STOM: variants seen among roughly 807,000 people sequenced by gnomAD.
STOM encodes the protein stomatin.
Under a neutral mutation model 30.6 loss-of-function variants are expected in STOM, and 25 were observed. The observed-to-expected ratio is 0.82, with a 90% CI of 0.60 to 1.14. The LOEUF is 1.14. Ranked by LOEUF, STOM falls within the 50% of genes most tolerant of loss-of-function variation. The probability of loss-of-function intolerance (pLI) is 0.00; values close to 1 mark genes in which losing one functional copy is unlikely to be tolerated. For synonymous variants in STOM, 118 were observed against 130.8 expected, an observed-to-expected ratio of 0.90 and a Z score of 0.67; for missense variants, 292 against 365.2, an observed-to-expected ratio of 0.80 and a Z score of 1.63.
At position 121,362,937 on chromosome 9, in the gene STOM, G is replaced by A. The variant is rs200722876; in HGVS notation, c.62-6781C>T. ...AGTCCAGAGGGCTGTAGTTGTCCCC[G>A]TTCCCCATCAGCTGATTTACTTTCA... On this transcript the variant is annotated intron_variant, in intron 1 of 6. Transcript: ENST00000286713. 4.6e-5 allele frequency among the ~76,000 whole-genome samples: 7 copies of A among 152,276 alleles called. No homozygotes were observed. In the East Asian group the frequency reaches 9.6e-4, roughly 21 times the overall value.
At chr9:121,360,123 T>C (rs1254235148) in intron 1 of STOM, among the ~76,000 whole-genome samples, 5 of 152,180 alleles carry the variant, frequency 3.3e-5, no homozygotes, top group African/African-American at 1.2e-4. Context: ...TTATTCACTT[T>C]TATATTCTCA....
At chr9:121,350,026 C>A (rs866018326) in intron 4 of STOM, among the ~76,000 whole-genome samples, 59 of 152,312 alleles carry the variant, frequency 3.9e-4, no homozygotes, top group African/African-American at 1.1e-3. Context: ...AGAATTAATG[C>A]GTTAAATACA....
At chr9:121,352,277 A>G (rs1363039365) in intron 4 of STOM, among the ~76,000 whole-genome samples, 1 of 152,234 alleles carries the variant, frequency 6.6e-6, no homozygotes, top group Non-Finnish European at 1.5e-5. Context: ...GCTATACTAC[A>G]CCGTTTTTAA....
Position 121,340,506 on chromosome 9 carries a change from G to A in STOM, c.*696C>T. ...AATCCCAGCACTTTGGGAGGCAGAGGTGGGTGGATCACCTGAGGTTAGGAG... is the reference window on the plus strand; with the variant it reads ...AATCCCAGCACTTTGGGAGGCAGAGATGGGTGGATCACCTGAGGTTAGGAG... On this transcript the variant is annotated 3_prime_UTR_variant, in exon 7 of 7. Coordinates refer to ENST00000286713, the MANE Select transcript of STOM (RefSeq NM_004099.6). 1 of 956,180 alleles carries A rather than the reference G, an allele frequency of 1.0e-6. No individual in the cohort carries two copies. The highest frequency in any genetic ancestry group is 1.2e-6 in the Non-Finnish European group (1 of 803,504). 59.2% of individuals were successfully genotyped at this position (956,180 alleles called of 1,614,324 possible).
At chr9:121,360,536 A>G (rs532756382) in intron 1 of STOM, among the ~76,000 whole-genome samples, 1 of 152,320 alleles carries the variant, frequency 6.6e-6, no homozygotes, top group South Asian at 2.1e-4. Flanking sequence ...AATACAGATA[A>G]AATGATCAGT....
At chr9:121,362,241 C>G (rs2064460614) in intron 1 of STOM, among the ~76,000 whole-genome samples, 1 of 152,138 alleles carries the variant, frequency 6.6e-6, no homozygotes, top group Non-Finnish European at 1.5e-5. Context: ...GAAATGATAG[C>G]TCAACAAACA....
At chr9:121,362,024 T>G (rs1248574864) in intron 1 of STOM, among the ~76,000 whole-genome samples, 1 of 151,658 alleles carries the variant, frequency 6.6e-6, no homozygotes, top group African/African-American at 2.4e-5. Context: ...TGGGGACTCC[T>G]GGTTTAGAGT....
intron 1 of STOM, among the ~76,000 whole-genome samples, chr9:121,357,687 C>G (rs548379980): frequency 6.6e-6 from 1 of 151,948 alleles, no homozygotes; most frequent in African/African-American, 2.4e-5. Flanking sequence ...ATCTGCCCAC[C>G]ATGGCCTTCC....
intron 1 of STOM, among the ~76,000 whole-genome samples, chr9:121,367,962 A>G (rs1019117732): frequency 3.3e-5 from 5 of 152,244 alleles, no homozygotes; most frequent in African/African-American, 1.2e-4. Context: ...TGTGAGCCGC[A>G]GTATCCTTAT....
intron 6 of STOM, among the ~76,000 whole-genome samples, chr9:121,343,345 C>A (rs1392018277): frequency 3.3e-5 from 5 of 152,118 alleles, no homozygotes; most frequent in Non-Finnish European, 7.4e-5. Flanking sequence ...ACTCACACAG[C>A]AAAATTTGGG....
chr9:121,369,327 A>G (rs1317072239), intron 1 of STOM, among the ~76,000 whole-genome samples: 1 of 152,148 alleles, frequency 6.6e-6, no homozygotes, highest in Non-Finnish European at 1.5e-5. Context: ...ATTCCTCTGG[A>G]TCACTAAGAG....
chr9:121,342,111 T>C (rs1048864218), intron 6 of STOM, among the ~76,000 whole-genome samples: 26 of 152,222 alleles, frequency 1.7e-4, no homozygotes, highest in African/African-American at 6.0e-4. Flanking sequence ...GGCTCACACC[T>C]GTAATCCCAA....
In STOM at chr9:121,341,037, G is replaced by A; in HGVS notation, c.*165C>T. 6.9e-7 allele frequency: 1 copy of A among 1,444,954 alleles called. No homozygotes were observed. Among genetic ancestry groups the A allele is most frequent in the Non-Finnish European group, 9.1e-7 (1 of 1,103,764 alleles). 89.5% of individuals were successfully genotyped at this position (1,444,954 alleles called of 1,614,324 possible). A position where few individuals can be genotyped will look rare whatever the true frequency, so the allele number is the denominator to read the frequency against. On this transcript the variant is annotated 3_prime_UTR_variant, in exon 7 of 7. Transcript: ENST00000286713. Reference sequence around the variant, plus strand: ...CCTTATATAAATCACCAATCTCTCAGTATTTACAAGCTAACAATTCTTTCA... The same window carrying A: ...CCTTATATAAATCACCAATCTCTCAATATTTACAAGCTAACAATTCTTTCA...
chr9:121,341,078 G>C lies in STOM; in HGVS notation c.*124C>G. On this transcript the variant is annotated 3_prime_UTR_variant, in exon 7 of 7. Transcript: ENST00000286713. ...AATTCTTTCACCTATTTTTATAACT[G>C]CTATACATTCTGGGAACACCACAAT... 1 of 1,518,936 alleles carries C rather than the reference G, an allele frequency of 6.6e-7. No individual in the cohort carries two copies. The highest frequency in any genetic ancestry group is 8.8e-7 in the Non-Finnish European group (1 of 1,136,072). The allele number at this position is 1,518,936 out of a possible 1,614,324, so 94.1% of individuals were successfully genotyped here.
intron 1 of STOM, among the ~76,000 whole-genome samples, chr9:121,357,644 G>A (rs909208379): frequency 6.6e-6 from 1 of 151,542 alleles, no homozygotes; most frequent in African/African-American, 2.4e-5. Context: ...CACCATGTTG[G>A]CCAGGCTGGC....
chr9:121,362,035 A>AT (rs3841738), intron 1 of STOM, among the ~76,000 whole-genome samples: 9 of 151,284 alleles, frequency 5.9e-5, no homozygotes, highest in South Asian at 2.1e-4. Context: ...GGTTTAGAGT[A>AT]TTTTTTTTTC....
chr9:121,369,530 A>G (rs1210805523), intron 1 of STOM, among the ~76,000 whole-genome samples: 1 of 152,146 alleles, frequency 6.6e-6, no homozygotes, highest in East Asian at 1.9e-4. Flanking sequence ...AAAGCCGGGA[A>G]GGAGAGTTCT....
chr9:121,350,132 A>G (rs972043426), intron 4 of STOM, among the ~76,000 whole-genome samples: 10 of 152,194 alleles, frequency 6.6e-5, no homozygotes, highest in African/African-American at 2.4e-4. Flanking sequence ...CACTGACTTG[A>G]TTAACTGTAA....
chr9:121,346,081 C>T (rs1181040434), intron 6 of STOM, among the ~76,000 whole-genome samples: 1 of 152,138 alleles, frequency 6.6e-6, no homozygotes, highest in Non-Finnish European at 1.5e-5. Context: ...ACCTCCACCT[C>T]CAGGGTTCAA....
Sources: allele counts gnomAD v4.1 joint callset (sites outside exome capture counted in the v4.1 genomes callset), GRCh38; gene constraint gnomAD v4.1.1; transcripts MANE v1.5; gene names NCBI Gene and HGNC (gene_info 2026-07-23, HGNC 2026-07-21).